SQSTM1: variants seen among roughly 807,000 people sequenced by gnomAD.
The protein encoded by SQSTM1 is sequestosome-1.
SQSTM1 carries 36 observed loss-of-function variants against 45.1 expected under a neutral mutation model. The observed-to-expected ratio is 0.80, with a 90% confidence interval of 0.61 to 1.05. SQSTM1 has a LOEUF of 1.05. Among genes scored for constraint, SQSTM1 ranks in the 50% least tolerant of loss-of-function variants. The pLI is 0.00. For missense variants in SQSTM1, 617 were observed against 607.1 expected (o/e 1.02, Z -0.17); for synonymous variants, 290 against 244.3 (o/e 1.19, Z -1.74).
At chr5:179,822,065 A>G (rs910403019) in intron 1 of SQSTM1, among the ~76,000 whole-genome samples, 5 of 152,226 alleles carry the variant, frequency 3.3e-5, no homozygotes, top group African/African-American at 9.7e-5. Flanking sequence ...TCAGTGTGAG[A>G]GCTTTTCATC....
At chr5:179,820,387 T>C (rs1757728450), upstream of SQSTM1, 2 of 152,576 alleles carry the variant, frequency 1.3e-5, no homozygotes. Flanking sequence ...TGCCATGCGC[T>C]GTAAGAGGGC....
chr5:179,820,729 G>C (rs754583852), upstream of SQSTM1: 43 of 487,946 alleles, frequency 8.8e-5, no homozygotes, highest in Non-Finnish European at 1.5e-4. Flanking sequence ...GGGGCCGGGA[G>C]ACCTGGAGCG....
Position 179,837,439 on chromosome 5 carries a change from T to C in SQSTM1, c.*846T>C. 6.2e-7 allele frequency: 1 copy of C among 1,609,516 alleles called. No individual in the cohort carries two copies. The highest frequency in any genetic ancestry group is 8.5e-7 in the Non-Finnish European group (1 of 1,177,348). Reference sequence around the variant, plus strand: ...CCCCAGTTATAAAGAGGTCACATAGTCGTGTGGGTCGAGGATTCTGTGCCT... The same window carrying C: ...CCCCAGTTATAAAGAGGTCACATAGCCGTGTGGGTCGAGGATTCTGTGCCT... On this transcript the variant is annotated 3_prime_UTR_variant, in exon 8 of 8. Coordinates refer to ENST00000389805, the MANE Select transcript of SQSTM1 (RefSeq NM_003900.5).
chr5:179,832,536 CTG>C (rs1395584072), intron 5 of SQSTM1, among the ~76,000 whole-genome samples: 2 of 152,356 alleles, frequency 1.3e-5, no homozygotes, highest in African/African-American at 2.4e-5. Context: ...CCTTCCATCA[CTG>C]TGGCTGGAAG....
intron 5 of SQSTM1, among the ~76,000 whole-genome samples, chr5:179,827,102 CTT>C (rs1758025290): frequency 6.6e-6 from 1 of 152,176 alleles, no homozygotes; most frequent in South Asian, 2.1e-4. Flanking sequence ...CAGGTAGAGA[CTT>C]TTAAAACAGT....
At chr5:179,832,461 G>T (rs890806730) in intron 5 of SQSTM1, among the ~76,000 whole-genome samples, 1 of 152,210 alleles carries the variant, frequency 6.6e-6, no homozygotes, top group East Asian at 1.9e-4. Flanking sequence ...CAGAGCTCCG[G>T]CGTTGAGGTG....
At chr5:179,834,651 A>T (rs1266245436) in intron 7 of SQSTM1, among the ~76,000 whole-genome samples, 1 of 152,032 alleles carries the variant, frequency 6.6e-6, no homozygotes, top group Non-Finnish European at 1.5e-5. Context: ...TCTGTTTAAC[A>T]AAGCACATCT....
At chr5:179,829,211 A>C (rs1758116376) in intron 5 of SQSTM1, among the ~76,000 whole-genome samples, 1 of 152,230 alleles carries the variant, frequency 6.6e-6, no homozygotes, top group Non-Finnish European at 1.5e-5. Flanking sequence ...ACCAGCCTGA[A>C]ACTGGGCATC....
Position 179,833,735 on chromosome 5 carries a change from G to A in SQSTM1, c.1118G>A (p.Gly373Glu). The A allele has an allele frequency of 6.2e-7, 1 of 1,614,124 alleles. No homozygotes were observed. Among genetic ancestry groups the A allele is most frequent in the Non-Finnish European group, 8.5e-7 (1 of 1,180,020 alleles). Residue 373 changes from glycine to glutamate, a missense_variant, in exon 7 of 8, where the codon GGA becomes GAA. Transcript: ENST00000389805. ...AGCTCTCTGGACCCCTCCCAGGAGGGACCCACAGGGCTGAAGGAAGCTGCC... is the reference window on the plus strand; with the variant it reads ...AGCTCTCTGGACCCCTCCCAGGAGGAACCCACAGGGCTGAAGGAAGCTGCC... ...GPSSLDPSQE[G>E]PTGLKEAALY...
At chr5:179,821,566 A>G (rs924754640) in intron 1 of SQSTM1, 8 of 463,326 alleles carry the variant, frequency 1.7e-5, no homozygotes, top group South Asian at 1.2e-4. Flanking sequence ...GGGTTCAGAT[A>G]ATGCCCTGGA....
rs771844281 is a variant in SQSTM1 at position 179,837,448 on chromosome 5, T to C, written c.*855T>C. Reference sequence around the variant, plus strand: ...TAAAGAGGTCACATAGTCGTGTGGGTCGAGGATTCTGTGCCTCCAGGACCA... The same window carrying C: ...TAAAGAGGTCACATAGTCGTGTGGGCCGAGGATTCTGTGCCTCCAGGACCA... On this transcript the variant is annotated 3_prime_UTR_variant, in exon 8 of 8. Coordinates refer to ENST00000389805, the MANE Select transcript of SQSTM1 (RefSeq NM_003900.5). 2 of 1,612,064 alleles carry C rather than the reference T, an allele frequency of 1.2e-6. No homozygotes were observed. Among genetic ancestry groups the C allele is most frequent in the South Asian group, 2.2e-5 (2 of 90,946 alleles).
chr5:179,817,565 A>G (rs994782229), upstream of SQSTM1, among the ~76,000 whole-genome samples: 5 of 152,256 alleles, frequency 3.3e-5, no homozygotes, highest in Non-Finnish European at 7.3e-5. Context: ...AGGCCTGACA[A>G]CTTGGCATCA....
intron 1 of SQSTM1, chr5:179,822,514 G>A (rs938916291): frequency 3.6e-6 from 1 of 278,710 alleles, no homozygotes; most frequent in African/African-American, 2.2e-5. Flanking sequence ...AGATGCCCTT[G>A]TCTTCTCCTT....
At chr5:179,832,624 TG>T (rs1758279460) in intron 5 of SQSTM1, among the ~76,000 whole-genome samples, 1 of 152,154 alleles carries the variant, frequency 6.6e-6, no homozygotes, top group Non-Finnish European at 1.5e-5. Flanking sequence ...GTGTCCTGCA[TG>T]GTTAGGAAAA....
chr5:179,828,065 C>T (rs983203403), intron 5 of SQSTM1, among the ~76,000 whole-genome samples: 13 of 152,186 alleles, frequency 8.5e-5, no homozygotes, highest in African/African-American at 2.9e-4. Flanking sequence ...CACGCAGAGG[C>T]TTTGTGAGGC....
intron 1 of SQSTM1, among the ~76,000 whole-genome samples, chr5:179,808,892 C>G (rs1757302743): frequency 6.9e-6 from 1 of 144,040 alleles, no homozygotes; most frequent in African/African-American, 2.5e-5. Context: ...GAGTCTTGCT[C>G]TGTCGCCCAG....
upstream of SQSTM1, among the ~76,000 whole-genome samples, chr5:179,816,537 CTCCTGACCCGT>C (rs1757584509): frequency 6.6e-6 from 1 of 151,658 alleles, no homozygotes; most frequent in South Asian, 2.1e-4. Context: ...GGATCCCACA[CTCCTGACCCGT>C]TCAGTATAGA....
chr5:179,806,640 G>A lies in SQSTM1; in HGVS notation c.-157+49G>A, dbSNP rs918779982. On this transcript the variant is annotated intron_variant, in intron 1 of 5. Transcript: ENST00000514093. The surrounding 1 kb of genome is among the most constrained non-coding windows in gnomAD (Gnocchi z 4.6). ...CCGAGGCTGCATGGCCCGGGGGACCGGGGCCGGGGCGCAGGGGTCGGAAGG... is the reference window on the plus strand; with the variant it reads ...CCGAGGCTGCATGGCCCGGGGGACCAGGGCCGGGGCGCAGGGGTCGGAAGG... 11 of 959,684 alleles carry A rather than the reference G, an allele frequency of 1.1e-5. No homozygotes were observed. In the African/African-American group the frequency reaches 1.4e-4, roughly 12 times the overall value. 59.4% of individuals were successfully genotyped at this position (959,684 alleles called of 1,614,324 possible).
intron 5 of SQSTM1, among the ~76,000 whole-genome samples, chr5:179,826,576 A>G (rs1561599993): frequency 6.6e-6 from 1 of 150,738 alleles, no homozygotes. Context: ...GTCAGAGAAT[A>G]GGAAAGAAGA....
Sources: gnomAD v4.1 joint callset for allele counts (sites outside exome capture counted in the v4.1 genomes callset) on GRCh38, gnomAD v4.1.1 for gene constraint, Gnocchi (gnomAD v3.1) non-coding constraint, MANE v1.5 for transcripts, NCBI Gene and HGNC (gene_info 2026-07-23, HGNC 2026-07-21) for gene names.